Variants in CA10 observed in about 807,000 individuals in gnomAD.
CA10 encodes carbonic anhydrase-related protein 10.
In CA10, 14 loss-of-function variants were observed where a neutral mutation model predicts 44.2. The ratio of observed to expected loss-of-function variants is 0.32; its 90% CI spans 0.21 to 0.50. The LOEUF is 0.50. Ranked by LOEUF, CA10 falls within the 20% of genes least tolerant of loss-of-function variation. CA10 has a pLI of 0.99. For missense variants in CA10, 350 were observed against 409.7 expected, an observed-to-expected ratio of 0.85 and a Z score of 1.26; for synonymous variants, 159 against 141.6, an observed-to-expected ratio of 1.12 and a Z score of -0.87.
At chr17:51,900,398 G>C (rs985209390) in intron 3 of CA10, among the ~76,000 whole-genome samples, 3 of 152,172 alleles carry the variant, frequency 2.0e-5, no homozygotes, top group Non-Finnish European at 2.9e-5. Flanking sequence ...CAGAGCCACT[G>C]TTAGCCTGAT....
chr17:51,844,606 A>G (rs1353544463), intron 3 of CA10, among the ~76,000 whole-genome samples: 1 of 152,228 alleles, frequency 6.6e-6, no homozygotes, highest in Non-Finnish European at 1.5e-5. Flanking sequence ...AAATATTCTT[A>G]TCTCTTTTCA....
intron 3 of CA10, among the ~76,000 whole-genome samples, chr17:51,928,952 G>A (rs1982540587): frequency 2.6e-5 from 4 of 152,012 alleles, no homozygotes; most frequent in Admixed American, 2.6e-4. Context: ...ACAGTTCTCA[G>A]CTCTTCAAAC....
chr17:51,947,605 C>A (rs1366976584), intron 2 of CA10, among the ~76,000 whole-genome samples: 3 of 152,148 alleles, frequency 2.0e-5, no homozygotes, highest in Admixed American at 2.0e-4. Flanking sequence ...GGTGAAACTA[C>A]ACATGCAAAG....
At chr17:51,853,551 T>G (rs1208103046) in intron 3 of CA10, among the ~76,000 whole-genome samples, 3 of 152,248 alleles carry the variant, frequency 2.0e-5, no homozygotes, top group Non-Finnish European at 4.4e-5. Context: ...CACCTCTTGG[T>G]GCATTTACTC....
chr17:51,991,075 A>T (rs772095549), intron 2 of CA10, among the ~76,000 whole-genome samples: 3 of 152,156 alleles, frequency 2.0e-5, no homozygotes, highest in Non-Finnish European at 4.4e-5. Context: ...GTCAACGTGA[A>T]CTAGATAAAC....
At chr17:52,124,604 C>T (rs1989080301) in intron 1 of CA10, among the ~76,000 whole-genome samples, 1 of 152,184 alleles carries the variant, frequency 6.6e-6, no homozygotes, top group South Asian at 2.1e-4. Flanking sequence ...TTTGGCTTGT[C>T]TGACTTTCCT....
intron 2 of CA10, among the ~76,000 whole-genome samples, chr17:51,989,212 T>C (rs1017466044): frequency 1.3e-5 from 2 of 151,792 alleles, no homozygotes; most frequent in Non-Finnish European, 2.9e-5. Context: ...GTTTGTTACC[T>C]AGGTAAATTT....
At chr17:52,053,203 G>A (rs1323288192) in intron 2 of CA10, among the ~76,000 whole-genome samples, 1 of 152,106 alleles carries the variant, frequency 6.6e-6, no homozygotes, top group Non-Finnish European at 1.5e-5. Context: ...GGTGAAATCA[G>A]CATTGTCTCC....
intron 2 of CA10, among the ~76,000 whole-genome samples, chr17:51,961,174 T>C (rs1276567686): frequency 7.4e-6 from 1 of 135,570 alleles, no homozygotes; most frequent in East Asian, 2.2e-4. Context: ...ACTCTCTCTC[T>C]GTATGTACAC....
chr17:52,096,702 G>A (rs1335047179), intron 1 of CA10, among the ~76,000 whole-genome samples: 3 of 152,104 alleles, frequency 2.0e-5, no homozygotes, highest in Non-Finnish European at 4.4e-5. Flanking sequence ...TACAGATAGG[G>A]TTGAAGTTCT....
rs1412093295 is a variant in CA10 at position 52,079,829 on chromosome 17, G to A, written c.62-7436C>T. On this transcript the variant is annotated intron_variant, in intron 1 of 8. Transcript: ENST00000451037. ...GCAAAGGGGAAGATGTGTCATACCT[G>A]GAACTATTTACATCTCTGTCTTTCT... Among the ~76,000 whole-genome samples the A allele has an allele frequency of 3.3e-5, 5 of 152,126 alleles. No individual in the cohort carries two copies. In the South Asian group the frequency reaches 6.2e-4, roughly 19 times the overall value.
At chr17:51,640,372 C>A (rs920715030) in intron 6 of CA10, among the ~76,000 whole-genome samples, 6 of 152,158 alleles carry the variant, frequency 3.9e-5, no homozygotes, top group African/African-American at 1.2e-4. Flanking sequence ...ACCATCTCCC[C>A]CCTATGTCTC....
chr17:51,890,583 A>G (rs1980812359), intron 3 of CA10, among the ~76,000 whole-genome samples: 1 of 152,188 alleles, frequency 6.6e-6, no homozygotes, highest in Non-Finnish European at 1.5e-5. Flanking sequence ...GTTACCACAC[A>G]TCTCTTTGAG....
At chr17:51,648,663 G>A (rs1001000254) in intron 6 of CA10, among the ~76,000 whole-genome samples, 1 of 152,072 alleles carries the variant, frequency 6.6e-6, no homozygotes, top group Non-Finnish European at 1.5e-5. Context: ...AAAACACTCT[G>A]GAAACCCAAG....
intron 1 of CA10, among the ~76,000 whole-genome samples, chr17:52,154,232 T>C (rs984150085): frequency 2.0e-5 from 3 of 152,164 alleles, no homozygotes; most frequent in Non-Finnish European, 2.9e-5. Context: ...ATAAATGATA[T>C]ACTGAATTTT....
chr17:51,737,110 A>G (rs1176386985), intron 4 of CA10, among the ~76,000 whole-genome samples: 1 of 152,208 alleles, frequency 6.6e-6, no homozygotes, highest in Non-Finnish European at 1.5e-5. Context: ...CAGAGAGGTA[A>G]GGTGACTGTC....
chr17:51,820,409 C>CA (rs1252937163), intron 3 of CA10, among the ~76,000 whole-genome samples: 1 of 85,418 alleles, frequency 1.2e-5, no homozygotes, highest in Non-Finnish European at 2.3e-5. Context: ...TCCCCTACCC[C>CA]CCCCCCCCCG....
chr17:52,137,331 T>C (rs1989381791), intron 1 of CA10, among the ~76,000 whole-genome samples: 1 of 152,180 alleles, frequency 6.6e-6, no homozygotes, highest in South Asian at 2.1e-4. Context: ...AAATAAATAA[T>C]ATAAAATATT....
chr17:51,899,684 G>T (rs1279498133), intron 3 of CA10, among the ~76,000 whole-genome samples: 1 of 152,066 alleles, frequency 6.6e-6, no homozygotes, highest in African/African-American at 2.4e-5. Context: ...GGTAATCTAA[G>T]TCTCTTTTAG....
Sources: gnomAD v4.1 joint callset for allele counts (sites outside exome capture counted in the v4.1 genomes callset) on GRCh38, gnomAD v4.1.1 for gene constraint, MANE v1.5 for transcripts, NCBI Gene and HGNC (gene_info 2026-07-23, HGNC 2026-07-21) for gene names.